Variants in TRIP4 observed in about 807,000 individuals in gnomAD.
TRIP4 encodes thyroid hormone receptor interactor 4.
Under a neutral mutation model 81.8 loss-of-function variants are expected in TRIP4, and 54 were observed. The observed-to-expected ratio is 0.66, with a 90% confidence interval of 0.53 to 0.83. TRIP4 has a LOEUF of 0.83. TRIP4 is among the 40% of genes least tolerant of loss of function. TRIP4 has a pLI of 0.00. For missense variants in TRIP4, 662 were observed against 683.6 expected (o/e 0.97, Z 0.35); for synonymous variants, 270 against 242.8 (o/e 1.11, Z -1.04).
intron 11 of TRIP4, chr15:64,444,746 C>CTTTT (rs10694997): frequency 1.8e-4 from 19 of 108,346 alleles, no homozygotes; most frequent in African/African-American, 3.6e-4. Flanking sequence ...TTCAGGTATC[C>CTTTT]TTTTTTTTTT....
chr15:64,427,829 T>C (rs1481151848), intron 11 of TRIP4, among the ~76,000 whole-genome samples: 1 of 152,208 alleles, frequency 6.6e-6, no homozygotes, highest in East Asian at 1.9e-4. Context: ...GTTCTTCCCT[T>C]AGTATCTGAT....
chr15:64,406,580 G>A, intron 6 of TRIP4, 121 bp downstream of exon 6: 3 of 1,233,010 alleles, frequency 2.4e-6, no homozygotes, highest in Non-Finnish European at 3.3e-6. Flanking sequence ...CAAAAGAAGA[G>A]CCAGATGCTC....
chr15:64,437,227 T>A (rs1223995561), intron 11 of TRIP4, among the ~76,000 whole-genome samples: 1 of 148,912 alleles, frequency 6.7e-6, no homozygotes, highest in Admixed American at 6.8e-5. Flanking sequence ...AAGAGTAGCC[T>A]GGCCAACATG....
chr15:64,454,345 TGAG>T (rs1357934819), intron 12 of TRIP4, among the ~76,000 whole-genome samples: 1 of 152,186 alleles, frequency 6.6e-6, no homozygotes, highest in African/African-American at 2.4e-5. Flanking sequence ...CTGGTAGATC[TGAG>T]AAGAGGTCAG....
rs891453484 is a variant in TRIP4, at chr15:64,436,725, T to A, written c.1576-8281T>A. 5.0e-3 allele frequency among the ~76,000 whole-genome samples: 547 copies of A among 109,132 alleles called. 8 individuals are homozygous for A. The highest frequency in any genetic ancestry group is 0.016 in the African/African-American group (521 of 32,428). The allele number at this position is 109,132 out of a possible 152,430, so 71.6% of individuals were successfully genotyped here. On this transcript the variant is annotated intron_variant, in intron 11 of 12. Coordinates refer to ENST00000261884, the MANE Select transcript of TRIP4 (RefSeq NM_016213.5). Reference sequence around the variant, plus strand: ...TATTACTGCTTTTTTTTTTTTTTTTTAATATTGACATGTAGTTCTTTAGGT... The same window carrying A: ...TATTACTGCTTTTTTTTTTTTTTTTAAATATTGACATGTAGTTCTTTAGGT...
chr15:64,424,254 T>A, intron 10 of TRIP4, 99 bp downstream of exon 10: 1 of 1,514,822 alleles, frequency 6.6e-7, no homozygotes, highest in Non-Finnish European at 9.0e-7. Flanking sequence ...TTTTCTTTGT[T>A]AAAAGAGACT....
At chr15:64,413,944 G>A (rs1279070452) in intron 7 of TRIP4, 141 bp from the exon 8 acceptor site, 1 of 835,072 alleles carries the variant, frequency 1.2e-6, no homozygotes, top group East Asian at 2.8e-5. Context: ...AAGGAAGTTG[G>A]AGTGGGGAGT....
intron 5 of TRIP4, among the ~76,000 whole-genome samples, chr15:64,402,813 A>T (rs1891541123): frequency 6.6e-6 from 1 of 152,032 alleles, no homozygotes; most frequent in Non-Finnish European, 1.5e-5. Context: ...GGCGTGAGCC[A>T]CCGCACTTGG....
intron 11 of TRIP4, among the ~76,000 whole-genome samples, chr15:64,439,826 C>T (rs1182375148): frequency 3.3e-5 from 5 of 151,638 alleles, no homozygotes; most frequent in Non-Finnish European, 5.9e-5. Flanking sequence ...GCCTGGCTAA[C>T]GTATAAATCT....
Position 64,406,560 on chromosome 15 carries a change from G to T in TRIP4, c.827+101G>T, listed in dbSNP as rs1891627823. 3 of 1,416,462 alleles carry T rather than the reference G, an allele frequency of 2.1e-6. No individual in the cohort carries two copies. The Admixed American group carries it at 7.1e-5, about 34-fold the overall frequency. 87.7% of individuals were successfully genotyped at this position (1,416,462 alleles called of 1,614,324 possible). A position where few individuals can be genotyped will look rare whatever the true frequency, so the allele number is the denominator to read the frequency against. ...TACCTTCTCAAAGTGGAGTGTGAAA[G>T]AGTTTATAGCAAAAGAAGAGCCAGA... On this transcript the variant is annotated intron_variant, in intron 6 of 12. Coordinates refer to ENST00000261884, the MANE Select transcript of TRIP4 (RefSeq NM_016213.5).
chr15:64,446,539 G>A (rs1892636291), intron 12 of TRIP4, among the ~76,000 whole-genome samples: 1 of 150,130 alleles, frequency 6.7e-6, no homozygotes, highest in African/African-American at 2.4e-5. Context: ...CGAGTAGCTG[G>A]GACTACAGGC....
intron 9 of TRIP4, 39 bp from the exon 10 acceptor site, chr15:64,423,992 G>T (rs745414600): frequency 1.9e-6 from 3 of 1,610,796 alleles, no homozygotes; most frequent in Non-Finnish European, 8.5e-7. Flanking sequence ...CAGGAAACTA[G>T]AATTTATATC....
intron 11 of TRIP4, among the ~76,000 whole-genome samples, chr15:64,436,792 T>TTA (rs1307572123): frequency 8.0e-5 from 11 of 137,960 alleles, no homozygotes; most frequent in Admixed American, 7.4e-5. Flanking sequence ...TTTTTTTTTT[T>TTA]AATAAGGAGT....
intron 8 of TRIP4, among the ~76,000 whole-genome samples, chr15:64,415,353 G>A (rs749169032): frequency 3.3e-5 from 5 of 152,194 alleles, no homozygotes; most frequent in African/African-American, 1.2e-4. Context: ...ACTGATAAGT[G>A]TATTAGTTTC....
chr15:64,446,682 G>A (rs1022402039), intron 12 of TRIP4, among the ~76,000 whole-genome samples: 9 of 151,558 alleles, frequency 5.9e-5, no homozygotes, highest in African/African-American at 1.2e-4. Flanking sequence ...GATTACAGGC[G>A]TGAGCCACTG....
At position 64,440,640 on chromosome 15, in the gene TRIP4, G is replaced by T. The variant is rs115041499; in HGVS notation, c.1576-4366G>T. The stretch of plus-strand genomic sequence containing the variant: ...AGTTCAGTGCTAGTAGTAGGAAAAG[G>T]GATATTCACCTGGAACTTTAATTTG... On this transcript the variant is annotated intron_variant, in intron 11 of 12. Coordinates refer to ENST00000261884, the MANE Select transcript of TRIP4 (RefSeq NM_016213.5). 2.0e-3 allele frequency among the ~76,000 whole-genome samples: 306 copies of T among 152,194 alleles called. 1 individual carries two copies. Among genetic ancestry groups the T allele is most frequent in the African/African-American group, 7.1e-3 (293 of 41,516 alleles).
At chr15:64,428,036 A>C (rs796569315) in intron 11 of TRIP4, among the ~76,000 whole-genome samples, 13 of 152,122 alleles carry the variant, frequency 8.5e-5, no homozygotes, top group African/African-American at 3.1e-4. Flanking sequence ...AGAGATTCAC[A>C]GTCGTTAACA....
At chr15:64,392,232 AG>A (rs769338163) in intron 1 of TRIP4, among the ~76,000 whole-genome samples, 26 of 152,016 alleles carry the variant, frequency 1.7e-4, no homozygotes, top group Non-Finnish European at 3.8e-4. Context: ...TGGGAGATGG[AG>A]TTTGCAGTGA....
intron 11 of TRIP4, among the ~76,000 whole-genome samples, chr15:64,426,175 T>G (rs989558611): frequency 6.6e-6 from 1 of 152,102 alleles, no homozygotes; most frequent in East Asian, 1.9e-4. Flanking sequence ...AAGAAACCCT[T>G]GATTATCCCT....
Sources: gnomAD v4.1 joint callset for allele counts (sites outside exome capture counted in the v4.1 genomes callset) on GRCh38, gnomAD v4.1.1 for gene constraint, MANE v1.5 for transcripts, NCBI Gene and HGNC (gene_info 2026-07-23, HGNC 2026-07-21) for gene names.